Variants in AMPH observed in about 807,000 individuals in gnomAD.
The protein encoded by AMPH is amphiphysin, also known as amphiphysin (Stiff-Mann syndrome with breast cancer 128kD autoantigen).
AMPH carries 49 observed loss-of-function variants against 99.1 expected under a neutral mutation model. That is an observed-to-expected ratio of 0.49 (90% CI 0.39 to 0.63). The LOEUF is 0.63. AMPH is among the 20% of genes least tolerant of loss of function. The pLI, the probability that AMPH is intolerant of heterozygous loss-of-function variation, is 0.00. For synonymous variants in AMPH, 314 were observed against 317.3 expected, an observed-to-expected ratio of 0.99 and a Z score of 0.11; for missense variants, 759 against 863.4, an observed-to-expected ratio of 0.88 and a Z score of 1.52.
intron 1 of AMPH, among the ~76,000 whole-genome samples, chr7:38,578,672 G>A (rs1792334192): frequency 6.6e-6 from 1 of 152,120 alleles, no homozygotes; most frequent in African/African-American, 2.4e-5. Context: ...GGGAGGCTAA[G>A]GCAGGAGGAT....
chr7:38,597,811 T>A (rs1329952128), intron 1 of AMPH, among the ~76,000 whole-genome samples: 1 of 152,232 alleles, frequency 6.6e-6, no homozygotes, highest in Non-Finnish European at 1.5e-5. Context: ...TTGTTTATGG[T>A]AACTTGTATT....
intron 3 of AMPH, among the ~76,000 whole-genome samples, chr7:38,495,067 T>C (rs1763759216): frequency 6.6e-6 from 1 of 152,196 alleles, no homozygotes. Context: ...CTAAAATTTT[T>C]ACAAAGAACA....
intron 12 of AMPH, among the ~76,000 whole-genome samples, chr7:38,436,049 G>A (rs907992068): frequency 2.6e-5 from 4 of 152,184 alleles, no homozygotes; most frequent in African/African-American, 7.2e-5. Flanking sequence ...AGGAATGTAT[G>A]GTTATGCCAG....
chr7:38,453,538 G>T (rs1169672183), intron 11 of AMPH, among the ~76,000 whole-genome samples: 2 of 152,146 alleles, frequency 1.3e-5, no homozygotes, highest in Non-Finnish European at 2.9e-5. Flanking sequence ...GGACTCTCCT[G>T]GCATCTGTAA....
chr7:38,523,949 T>G (rs1790068396), intron 2 of AMPH, among the ~76,000 whole-genome samples: 1 of 152,188 alleles, frequency 6.6e-6, no homozygotes, highest in African/African-American at 2.4e-5. Flanking sequence ...AGAAAATATT[T>G]ATGTATTAAC....
intron 11 of AMPH, among the ~76,000 whole-genome samples, chr7:38,443,804 C>T (rs1197553773): frequency 1.3e-5 from 2 of 151,914 alleles, no homozygotes; most frequent in Non-Finnish European, 2.9e-5. Context: ...GACTGCTTTA[C>T]TACTTTTACT....
chr7:38,622,698 T>C (rs913465235), intron 1 of AMPH, among the ~76,000 whole-genome samples: 3 of 152,198 alleles, frequency 2.0e-5, no homozygotes, highest in Non-Finnish European at 4.4e-5. Context: ...TTTCCTAACT[T>C]TGGAACACGG....
intron 1 of AMPH, among the ~76,000 whole-genome samples, chr7:38,629,911 A>G (rs931429470): frequency 6.6e-6 from 1 of 152,198 alleles, no homozygotes; most frequent in Non-Finnish European, 1.5e-5. Context: ...TTGGGTAGAT[A>G]TTAAAAGAAA....
chr7:38,436,078 C>G (rs2128995716), intron 12 of AMPH, among the ~76,000 whole-genome samples, 194 bp downstream of exon 12: 2 of 152,290 alleles, frequency 1.3e-5, no homozygotes, highest in South Asian at 4.1e-4. Context: ...GTAGAGAAAG[C>G]TGATGGCATG....
intron 3 of AMPH, among the ~76,000 whole-genome samples, chr7:38,495,754 T>G (rs1237896575): frequency 1.3e-5 from 2 of 152,172 alleles, no homozygotes; most frequent in Admixed American, 1.3e-4. Flanking sequence ...GTCTGAATTT[T>G]CATTAGGGAT....
At chr7:38,414,230 T>C (rs902090836) in intron 17 of AMPH, among the ~76,000 whole-genome samples, 2 of 152,196 alleles carry the variant, frequency 1.3e-5, no homozygotes, top group Non-Finnish European at 2.9e-5. Context: ...TCTTGACAAG[T>C]TTAGTGGTAA....
At chr7:38,503,495 C>CGGGGT (rs1789213929) in intron 3 of AMPH, among the ~76,000 whole-genome samples, 155 bp downstream of exon 3, 1 of 86,194 alleles carries the variant, frequency 1.2e-5, no homozygotes, top group African/African-American at 4.2e-5. Flanking sequence ...GAATTTGGGG[C>CGGGGT]GGGGGGGTGG....
chr7:38,465,133 G>T (rs549212934), intron 9 of AMPH, among the ~76,000 whole-genome samples: 59 of 152,270 alleles, frequency 3.9e-4, no homozygotes, highest in African/African-American at 1.3e-3. Flanking sequence ...CTTCTCCGGA[G>T]AAAATATTAA....
chr7:38,520,499 G>T (rs767960537), intron 2 of AMPH, among the ~76,000 whole-genome samples: 2 of 152,196 alleles, frequency 1.3e-5, no homozygotes, highest in Non-Finnish European at 2.9e-5. Flanking sequence ...CACCTAGCAA[G>T]TACTAGAAGC....
At chr7:38,392,091 CTT>C in intron 18 of AMPH, 74 bp from the exon 19 acceptor site, 2 of 1,508,244 alleles carry the variant, frequency 1.3e-6, no homozygotes, top group Non-Finnish European at 1.8e-6. Context: ...CACAACCTGC[CTT>C]AGCCCCCAGC....
chr7:38,393,364 G>A (rs753945487), intron 18 of AMPH, among the ~76,000 whole-genome samples: 6 of 152,270 alleles, frequency 3.9e-5, no homozygotes, highest in South Asian at 2.1e-4. Flanking sequence ...CTAGAATACC[G>A]AAGAACCAGA....
At chr7:38,627,283 C>A (rs1435418120) in intron 1 of AMPH, among the ~76,000 whole-genome samples, 1 of 151,450 alleles carries the variant, frequency 6.6e-6, no homozygotes, top group Non-Finnish European at 1.5e-5. Context: ...GTGGCTCGCA[C>A]CTATAATCCC....
chr7:38,445,493 G>C (rs1029817042), intron 11 of AMPH, among the ~76,000 whole-genome samples: 31 of 152,142 alleles, frequency 2.0e-4, no homozygotes, highest in African/African-American at 7.5e-4. Context: ...CACATGCTGG[G>C]AGACAGTATT....
intron 1 of AMPH, among the ~76,000 whole-genome samples, chr7:38,608,237 G>A (rs538220620): frequency 6.6e-6 from 1 of 152,320 alleles, no homozygotes; most frequent in South Asian, 2.1e-4. Flanking sequence ...AGGATTGTGA[G>A]TATCTGAGCA....
Sources: gnomAD v4.1 joint callset for allele counts (sites outside exome capture counted in the v4.1 genomes callset) on GRCh38, gnomAD v4.1.1 for gene constraint, MANE v1.5 for transcripts, NCBI Gene and HGNC (gene_info 2026-07-23, HGNC 2026-07-21) for gene names.